Variants in TASOR2 observed in about 807,000 individuals in gnomAD.
The protein encoded by TASOR2 is protein TASOR 2.
Under a neutral mutation model 199.5 loss-of-function variants are expected in TASOR2, and 84 were observed. The observed-to-expected ratio is 0.42, with a 90% CI of 0.35 to 0.50. The LOEUF (loss-of-function observed/expected upper bound fraction) is 0.50. TASOR2 is among the 20% of genes least tolerant of loss of function. The pLI is 0.02. For synonymous variants in TASOR2, 1,103 were observed against 1,046.6 expected (o/e 1.05, Z -1.04); for missense variants, 2,796 against 2,835.9 (o/e 0.99, Z 0.32).
At chr10:5,726,932 A>C (rs199596450) in exon 9 of TASOR2, 1 of 1,614,106 alleles carries the variant, frequency 6.2e-7, no homozygotes, top group Admixed American at 1.7e-5. Context: ...TTTTACTTAC[A>C]TCATCAGCCT....
intron 18 of TASOR2, among the ~76,000 whole-genome samples, chr10:5,759,514 A>G (rs1839459334): frequency 6.6e-6 from 1 of 152,214 alleles, no homozygotes; most frequent in South Asian, 2.1e-4. Context: ...ACATTCTCAC[A>G]AGCAGGACCA....
chr10:5,748,465 G>A lies in TASOR2; in HGVS notation c.5044G>A (p.Ala1682Thr). The change falls in exon 15 of 21, where the codon GCA (alanine) becomes ACA (threonine). Residue 1682 changes from alanine (A) to threonine (T), a missense_variant. By Grantham distance (58) the Ala-to-Thr change is moderately conservative. This residue lies in a region of TASOR2 where 1,941 missense variants were observed against 1,924.9 expected (regional missense o/e 1.01). Transcript: ENST00000328090. This position sits in a 1 kb window ranked among gnomAD's most constrained non-coding sequence, Gnocchi z 5.1. ...AATAAATGCAGAGCCAGTGTTTCAA[G>A]CACAGGAAATACCAGCAGGCAGAAT... 1 of 1,614,146 alleles carries A rather than the reference G, an allele frequency of 6.2e-7. No homozygotes were observed. The highest frequency in any genetic ancestry group is 8.5e-7 in the Non-Finnish European group (1 of 1,180,032).
In TASOR2 at chr10:5,704,686, C is replaced by T. The variant is rs531020947; in HGVS notation, c.-287-8137C>T. ...CCATTTTCTGAGTTCTTGAATTGAC[C>T]GTAGCTTATTGATTCTTTAAATGTT... On this transcript the variant is annotated intron_variant, in intron 1 of 20. Transcript: ENST00000328090. Among the ~76,000 whole-genome samples, 12 of 151,978 alleles carry T rather than the reference C, an allele frequency of 7.9e-5. No individual in the cohort carries two copies. The South Asian group carries it at 1.9e-3, about 24-fold the overall frequency.
chr10:5,750,130 C>T lies in TASOR2; in HGVS notation c.6606+103C>T, dbSNP rs948512073. 1.6e-6 allele frequency: 2 copies of T among 1,273,596 alleles called. No individual in the cohort carries two copies. Among genetic ancestry groups the T allele is most frequent in the Non-Finnish European group, 2.1e-6 (2 of 952,522 alleles). The allele number at this position is 1,273,596 out of a possible 1,614,324, so 78.9% of individuals were successfully genotyped here. A position where few individuals can be genotyped will look rare whatever the true frequency, so the allele number is the denominator to read the frequency against. On this transcript the variant is annotated intron_variant, in intron 15 of 20. Coordinates refer to ENST00000328090, the Ensembl canonical transcript of TASOR2. This position sits in a 1 kb window ranked among gnomAD's most constrained non-coding sequence, Gnocchi z 5.4. ...CCATCAAAAAGAAATCATGGTATGA[C>T]ATAGTATTTAAATTTCACAGCTTAG... is the stretch of plus-strand genomic sequence containing the variant.
At chr10:5,725,546 C>T (rs758922755) in intron 8 of TASOR2, among the ~76,000 whole-genome samples, 7 of 151,810 alleles carry the variant, frequency 4.6e-5, no homozygotes, top group Non-Finnish European at 7.4e-5. Flanking sequence ...GTGGGAGGAT[C>T]GCTTGAGGCC....
chr10:5,686,305 T>A (rs755269656), intron 1 of TASOR2, among the ~76,000 whole-genome samples: 4 of 152,230 alleles, frequency 2.6e-5, no homozygotes, highest in Non-Finnish European at 4.4e-5. Context: ...CAAACATAGT[T>A]GTTAAAATGG....
rs779888554 is a variant in TASOR2 at position 5,747,323 on chromosome 10, G to A, written c.3902G>A (p.Gly1301Asp). Residue 1301 changes from glycine (G) to aspartate (D), a missense_variant, in exon 15 of 21, where the codon GGT (glycine) becomes GAT (aspartate). Transcript: ENST00000328090. ...AGTCCCAGAGAAGAAATGCCAGCTG[G>A]TGAAATAGAGCAATTTGAGGAGGCC... 1.9e-6 allele frequency: 3 copies of A among 1,614,090 alleles called. No individual in the cohort carries two copies. The South Asian group carries it at 3.3e-5, about 18-fold the overall frequency.
In TASOR2 at chr10:5,752,574, G is replaced by C. The variant is rs1447073373; in HGVS notation, c.6606+2547G>C. ...TCACGTGGCGAGTCCATGGGGGCTG[G>C]ATTACTGAGTAACGAGTTACTTAGT... On this transcript the variant is annotated intron_variant, in intron 15 of 20. Transcript: ENST00000328090. The surrounding 1 kb of genome is among the most constrained non-coding windows in gnomAD (Gnocchi z 4.4). 6.6e-6 allele frequency among the ~76,000 whole-genome samples: 1 copy of C among 152,228 alleles called. No homozygotes were observed.
exon 21 of TASOR2, chr10:5,763,723 AAAGACAACT>A (rs1840217437): frequency 6.6e-6 from 1 of 152,256 alleles, no homozygotes; most frequent in Non-Finnish European, 1.5e-5. Flanking sequence ...TTTTTTAAAT[AAAGACAACT>A]AAAAATAATC....
chr10:5,735,498 A>G lies in TASOR2; in HGVS notation c.1399A>G (p.Ile467Val). ...ATCTCCACAAAAACAGAGAGTAAAT[A>G]TAGTAAAAGGCAATGAGAACCCCAG... is the stretch of plus-strand genomic sequence containing the variant. The change falls in exon 12 of 21, where the codon ATA becomes GTA. Residue 467 changes from isoleucine (I) to valine (V), a missense_variant. Transcript: ENST00000328090. The G allele has an allele frequency of 1.2e-6, 2 of 1,614,192 alleles. No individual in the cohort carries two copies. Among genetic ancestry groups the G allele is most frequent in the Non-Finnish European group, 8.5e-7 (1 of 1,180,034 alleles).
chr10:5,747,319 G>C (rs750597295), exon 15 of TASOR2: 1 of 1,614,158 alleles, frequency 6.2e-7, no homozygotes, highest in East Asian at 2.2e-5. Flanking sequence ...AGAAATGCCA[G>C]CTGGTGAAAT....
chr10:5,693,685 C>T (rs7096742), intron 1 of TASOR2, among the ~76,000 whole-genome samples: 100,469 of 152,216 alleles, frequency 0.66, 33,455 homozygotes, highest in African/African-American at 0.74. Flanking sequence ...CTTAGGACTA[C>T]AGGAGATCTT....
chr10:5,724,482 A>G (rs377622420), exon 8 of TASOR2: 12 of 1,536,282 alleles, frequency 7.8e-6, no homozygotes, highest in African/African-American at 1.4e-5. Context: ...TGTCAAACAG[A>G]CAAGGGGAAA....
rs1488908383 is a variant in TASOR2 at position 5,687,620 on chromosome 10, G to A, written c.-288+2445G>A. 6.6e-6 allele frequency among the ~76,000 whole-genome samples: 1 copy of A among 152,198 alleles called. No homozygotes were observed. The highest frequency in any genetic ancestry group is 1.5e-5 in the Non-Finnish European group (1 of 68,036). On this transcript the variant is annotated intron_variant, in intron 1 of 20. Transcript: ENST00000328090. This position sits in a 1 kb window ranked among gnomAD's most constrained non-coding sequence, Gnocchi z 4.8. ...GGATCACTTGAGGTCAGGAGTTAGGGACCAGCCTGGCCAACATGGTGAAAC... is the reference window on the plus strand; with the variant it reads ...GGATCACTTGAGGTCAGGAGTTAGGAACCAGCCTGGCCAACATGGTGAAAC...
rs1838020703 is a variant in TASOR2 at position 5,751,414 on chromosome 10, A to G, written c.6606+1387A>G. 6.6e-6 allele frequency among the ~76,000 whole-genome samples: 1 copy of G among 152,084 alleles called. No homozygotes were observed. Among genetic ancestry groups the G allele is most frequent in the African/African-American group, 2.4e-5 (1 of 41,398 alleles). ...TAGAGCTTTCCCTTATTTTCCATTC[A>G]TCTATTCATTTGCTTATCTGTATCA... On this transcript the variant is annotated intron_variant, in intron 15 of 20. Coordinates refer to ENST00000328090, the Ensembl canonical transcript of TASOR2. This position sits in a 1 kb window ranked among gnomAD's most constrained non-coding sequence, Gnocchi z 5.3.
chr10:5,721,692 A>T (rs1833377669), intron 6 of TASOR2, among the ~76,000 whole-genome samples: 1 of 152,236 alleles, frequency 6.6e-6, no homozygotes, highest in South Asian at 2.1e-4. Flanking sequence ...TTAGAAGATC[A>T]GCATTTGACA....
At chr10:5,688,354 T>C (rs746573088) in intron 1 of TASOR2, among the ~76,000 whole-genome samples, 2 of 151,496 alleles carry the variant, frequency 1.3e-5, no homozygotes, top group Non-Finnish European at 2.9e-5. Flanking sequence ...CCTGAGTAAC[T>C]AGGGCTACAG....
intron 1 of TASOR2, among the ~76,000 whole-genome samples, chr10:5,686,772 T>TAAATC (rs1835861495): frequency 1.3e-5 from 2 of 152,240 alleles, no homozygotes; most frequent in Admixed American, 6.5e-5. Flanking sequence ...AGTTAAATCT[T>TAAATC]TTTAGGCAGG....
At chr10:5,715,231 T>TC in intron 2 of TASOR2, among the ~76,000 whole-genome samples, 1 of 81,940 alleles carries the variant, frequency 1.2e-5, no homozygotes, top group Non-Finnish European at 2.4e-5. Context: ...CTTTTTTTTT[T>TC]TTAAAAAAAA....
Sources: allele counts gnomAD v4.1 joint callset (sites outside exome capture counted in the v4.1 genomes callset), GRCh38; gene constraint gnomAD v4.1.1; regional missense constraint gnomAD v4.1.1; non-coding constraint Gnocchi (gnomAD v3.1); transcripts MANE v1.5; gene names NCBI Gene and HGNC (gene_info 2026-07-23, HGNC 2026-07-21).